Variants in UBE2E2 observed in about 807,000 individuals in gnomAD.
UBE2E2 encodes the protein ubiquitin conjugating enzyme E2 E2.
UBE2E2 carries 6 observed loss-of-function variants against 24.7 expected under a neutral mutation model. The observed-to-expected ratio is 0.24, with a 90% CI of 0.13 to 0.48. The LOEUF (loss-of-function observed/expected upper bound fraction) is 0.48, where lower values mean the gene tolerates loss of function less well. UBE2E2 is among the 20% of genes least tolerant of loss of function. The pLI is 0.99. For synonymous variants in UBE2E2, 104 were observed against 83.6 expected (o/e 1.24, Z -1.33); for missense variants, 169 against 245.0 (o/e 0.69, Z 2.07).
chr3:23,473,749 G>A (rs1260245527), intron 3 of UBE2E2, among the ~76,000 whole-genome samples: 1 of 152,024 alleles, frequency 6.6e-6, no homozygotes, highest in Non-Finnish European at 1.5e-5. Context: ...TCCTTTTTAT[G>A]GCTAAGTAGT....
intron 3 of UBE2E2, among the ~76,000 whole-genome samples, chr3:23,268,675 G>C (rs113887237): frequency 0.46 from 67,501 of 146,064 alleles, 15,958 homozygotes; most frequent in Admixed American, 0.57. Flanking sequence ...CTACCAATGA[G>C]TTTCTTCACA....
At chr3:23,340,029 TC>T (rs1488949751) in intron 3 of UBE2E2, among the ~76,000 whole-genome samples, 1 of 152,086 alleles carries the variant, frequency 6.6e-6, no homozygotes, top group East Asian at 1.9e-4. Flanking sequence ...AGTTGTTAAC[TC>T]CCATTTAATA....
At chr3:23,341,872 A>C (rs1309619927) in intron 3 of UBE2E2, among the ~76,000 whole-genome samples, 1 of 152,230 alleles carries the variant, frequency 6.6e-6, no homozygotes, top group African/African-American at 2.4e-5. Flanking sequence ...ATCAATGAGA[A>C]GATGTAAACA....
chr3:23,272,446 G>C (rs1698270088), intron 3 of UBE2E2, among the ~76,000 whole-genome samples: 1 of 152,148 alleles, frequency 6.6e-6, no homozygotes, highest in Admixed American at 6.5e-5. Context: ...CCAGAGAGGG[G>C]CTCCCACAGT....
In UBE2E2 at chr3:23,301,791, C is replaced by T. The variant is rs189326088; in HGVS notation, c.227+84479C>T. On this transcript the variant is annotated intron_variant, in intron 3 of 5. Transcript: ENST00000396703. The stretch of plus-strand genomic sequence containing the variant: ...GATCTCCAGCTGCGTGCTGGGAGAA[C>T]CACTACTGTCTTCAAAGCTCAGTTG... 1.8e-3 allele frequency among the ~76,000 whole-genome samples: 269 copies of T among 148,400 alleles called. 2 individuals carry two copies. The highest frequency in any genetic ancestry group is 0.017 in the Middle Eastern group (5 of 292).
rs538057787 is a variant in UBE2E2 at position 23,235,353 on chromosome 3, A to G, written c.227+18041A>G. Among the ~76,000 whole-genome samples the G allele has an allele frequency of 2.0e-5, 3 of 152,320 alleles. 1 individual carries two copies. The highest frequency in any genetic ancestry group is 7.2e-5 in the African/African-American group (3 of 41,580). Reference sequence around the variant, plus strand: ...GGTACATAAGGTGTGGGGGACCATTAGTATTACAAACTGCATGTGCTGAAG... The same window carrying G: ...GGTACATAAGGTGTGGGGGACCATTGGTATTACAAACTGCATGTGCTGAAG... On this transcript the variant is annotated intron_variant, in intron 3 of 5. Coordinates refer to ENST00000396703, the MANE Select transcript of UBE2E2 (RefSeq NM_152653.4).
intron 3 of UBE2E2, among the ~76,000 whole-genome samples, chr3:23,488,826 A>G (rs1479245931): frequency 6.6e-6 from 1 of 152,142 alleles, no homozygotes; most frequent in Non-Finnish European, 1.5e-5. Context: ...ATTCTTTGCT[A>G]CATTTGCTAG....
chr3:23,419,976 T>C (rs538849865), intron 3 of UBE2E2, among the ~76,000 whole-genome samples: 1 of 152,296 alleles, frequency 6.6e-6, no homozygotes, highest in South Asian at 2.1e-4. Flanking sequence ...ACAAAATGCC[T>C]ACTACTGGTG....
Position 23,297,506 on chromosome 3 carries a change from G to A in UBE2E2, c.227+80194G>A, listed in dbSNP as rs1398642995. Among the ~76,000 whole-genome samples the A allele has an allele frequency of 2.0e-5, 3 of 152,178 alleles. No individual in the cohort carries two copies. The South Asian group carries it at 6.2e-4, about 32-fold the overall frequency. Reference sequence around the variant, plus strand: ...TTTGTATAAGGTGTAAGGAAGGGATGCAGTTTCAGCTTTCTACCTATGGGT... The same window carrying A: ...TTTGTATAAGGTGTAAGGAAGGGATACAGTTTCAGCTTTCTACCTATGGGT... On this transcript the variant is annotated intron_variant, in intron 3 of 5. Transcript: ENST00000396703.
At chr3:23,556,662 T>C (rs915177335) in intron 5 of UBE2E2, among the ~76,000 whole-genome samples, 2 of 152,108 alleles carry the variant, frequency 1.3e-5, no homozygotes, top group Admixed American at 1.3e-4. Flanking sequence ...CCTTAAAATA[T>C]GTACTACAAA....
intron 5 of UBE2E2, among the ~76,000 whole-genome samples, chr3:23,557,618 C>T (rs1695823310): frequency 6.6e-6 from 1 of 152,188 alleles, no homozygotes; most frequent in Admixed American, 6.5e-5. Flanking sequence ...CATGCAAACT[C>T]TACACAAACA....
intron 3 of UBE2E2, among the ~76,000 whole-genome samples, chr3:23,406,166 A>G (rs1465041895): frequency 1.3e-5 from 2 of 152,258 alleles, no homozygotes; most frequent in Admixed American, 6.5e-5. Flanking sequence ...GTGTTAGACA[A>G]TATTTCCAAG....
chr3:23,223,276 A>G (rs888584361), intron 3 of UBE2E2, among the ~76,000 whole-genome samples: 10 of 149,038 alleles, frequency 6.7e-5, no homozygotes, highest in Admixed American at 4.7e-4. Flanking sequence ...CACTGCAACC[A>G]CTGCCTCCCA....
intron 5 of UBE2E2, among the ~76,000 whole-genome samples, chr3:23,551,446 A>G (rs75445212): frequency 0.015 from 2,288 of 152,316 alleles, 42 homozygotes; most frequent in African/African-American, 0.051. Context: ...TGTTGGCTCT[A>G]TATTAGTAGA....
intron 3 of UBE2E2, among the ~76,000 whole-genome samples, chr3:23,420,511 A>G (rs1431533914): frequency 6.6e-6 from 1 of 152,208 alleles, no homozygotes; most frequent in African/African-American, 2.4e-5. Context: ...GTTGGAAGCA[A>G]TAGAGAATAA....
chr3:23,292,042 T>G (rs1398949490), intron 3 of UBE2E2, among the ~76,000 whole-genome samples: 1 of 152,010 alleles, frequency 6.6e-6, no homozygotes, highest in Non-Finnish European at 1.5e-5. Flanking sequence ...GTATTTTTAG[T>G]AGAGACGGGG....
At chr3:23,288,821 A>G (rs1698685916) in intron 3 of UBE2E2, among the ~76,000 whole-genome samples, 1 of 152,072 alleles carries the variant, frequency 6.6e-6, no homozygotes, top group Admixed American at 6.6e-5. Context: ...GTCTAGAAAT[A>G]TTTTTTCAAA....
intron 3 of UBE2E2, among the ~76,000 whole-genome samples, chr3:23,234,599 G>A (rs1380439729): frequency 6.6e-6 from 1 of 152,162 alleles, no homozygotes; most frequent in African/African-American, 2.4e-5. Context: ...GACTTTATAA[G>A]TTAGATACAG....
intron 5 of UBE2E2, among the ~76,000 whole-genome samples, chr3:23,577,990 G>T (rs577371169): frequency 8.8e-5 from 13 of 148,238 alleles, no homozygotes; most frequent in Non-Finnish European, 1.6e-4. Context: ...TTAAGCCCAC[G>T]GTTGAGACCT....
Sources: allele counts gnomAD v4.1 joint callset (sites outside exome capture counted in the v4.1 genomes callset), GRCh38; gene constraint gnomAD v4.1.1; transcripts MANE v1.5; gene names NCBI Gene and HGNC (gene_info 2026-07-23, HGNC 2026-07-21).